Variants in POU6F2 observed in about 807,000 individuals in gnomAD.
The protein encoded by POU6F2 is POU domain, class 6, transcription factor 2.
In POU6F2, 31 loss-of-function variants were observed where a neutral mutation model predicts 71.3. That is an observed-to-expected ratio of 0.43 (90% CI 0.33 to 0.59). The LOEUF (loss-of-function observed/expected upper bound fraction) is 0.59, where lower values mean the gene tolerates loss of function less well. Among genes scored for constraint, POU6F2 ranks in the 20% least tolerant of loss-of-function variants. POU6F2 has a pLI of 0.04. For missense variants in POU6F2, 783 were observed against 856.8 expected, an observed-to-expected ratio of 0.91 and a Z score of 1.07; for synonymous variants, 347 against 355.7, an observed-to-expected ratio of 0.98 and a Z score of 0.27.
chr7:39,061,450 C>G (rs1790655421), intron 1 of POU6F2, among the ~76,000 whole-genome samples: 2 of 152,162 alleles, frequency 1.3e-5, no homozygotes. Context: ...ACTGTTTGAA[C>G]TCATTTACAA....
chr7:39,431,506 CA>C (rs1788099498), intron 6 of POU6F2, among the ~76,000 whole-genome samples: 1 of 152,192 alleles, frequency 6.6e-6, no homozygotes, highest in Non-Finnish European at 1.5e-5. Context: ...AAAGCAGTAT[CA>C]CTTACAAACC....
chr7:39,162,926 G>A (rs929642798), intron 2 of POU6F2, among the ~76,000 whole-genome samples: 5 of 152,118 alleles, frequency 3.3e-5, no homozygotes, highest in Non-Finnish European at 7.4e-5. Context: ...TTCTAGGGAC[G>A]ACTGGGGCAT....
intron 5 of POU6F2, among the ~76,000 whole-genome samples, chr7:39,389,621 G>T (rs574885670): frequency 4.0e-4 from 61 of 152,232 alleles, no homozygotes; most frequent in Non-Finnish European, 7.4e-4. Context: ...ATGTAAATTT[G>T]CTCCTTCATA....
chr7:39,118,190 C>T (rs1171464771), intron 2 of POU6F2, among the ~76,000 whole-genome samples: 1 of 152,138 alleles, frequency 6.6e-6, no homozygotes, highest in African/African-American at 2.4e-5. Flanking sequence ...AGCAAAATGA[C>T]TCCTTCTCAG....
chr7:39,161,279 T>C (rs1364465801), intron 2 of POU6F2, among the ~76,000 whole-genome samples: 5 of 152,228 alleles, frequency 3.3e-5, no homozygotes, highest in African/African-American at 4.8e-5. Flanking sequence ...TTCCACTTCA[T>C]GTAGTACTTT....
At chr7:39,216,297 T>G (rs1794241570) in intron 4 of POU6F2, among the ~76,000 whole-genome samples, 1 of 152,200 alleles carries the variant, frequency 6.6e-6, no homozygotes, top group Non-Finnish European at 1.5e-5. Flanking sequence ...GGTGAACCCA[T>G]TAGATCACAT....
At chr7:39,056,321 G>T (rs1466857478) in intron 1 of POU6F2, among the ~76,000 whole-genome samples, 1 of 151,720 alleles carries the variant, frequency 6.6e-6, no homozygotes, top group African/African-American at 2.4e-5. Flanking sequence ...TATCTCTGTG[G>T]TCTTACTATC....
At chr7:39,109,596 A>T (rs1034601391) in intron 2 of POU6F2, among the ~76,000 whole-genome samples, 2 of 152,312 alleles carry the variant, frequency 1.3e-5, no homozygotes, top group Middle Eastern at 3.4e-3. Flanking sequence ...GTATGAGCTT[A>T]TAATATTTTT....
chr7:39,342,084 A>C (rs1294839548), intron 5 of POU6F2, among the ~76,000 whole-genome samples: 1 of 152,214 alleles, frequency 6.6e-6, no homozygotes, highest in African/African-American at 2.4e-5. Context: ...TTTAGAGTAC[A>C]TTTAAATATA....
chr7:39,170,848 C>T (rs976077896), intron 2 of POU6F2, among the ~76,000 whole-genome samples: 2 of 151,692 alleles, frequency 1.3e-5, no homozygotes, highest in Non-Finnish European at 2.9e-5. Context: ...CACATGTGGC[C>T]GTTCTGCCTA....
chr7:39,049,145 ATCACCTTTTGGTTTCGTTATTTTCTATGT>A (rs1489412129), intron 1 of POU6F2, among the ~76,000 whole-genome samples: 29 of 151,834 alleles, frequency 1.9e-4, no homozygotes, highest in African/African-American at 6.8e-4. Context: ...TTTTTAAATA[ATCACCTTTTGGTTTCGTTATTTTCTATGT>A]TTTTTTCTAT....
chr7:39,179,213 A>G (rs1388214003), intron 2 of POU6F2, among the ~76,000 whole-genome samples: 1 of 152,220 alleles, frequency 6.6e-6, no homozygotes. Context: ...ACCAGAGAGG[A>G]TGCTCCTTCA....
chr7:39,387,196 C>T (rs1786963648), intron 5 of POU6F2, among the ~76,000 whole-genome samples: 1 of 152,208 alleles, frequency 6.6e-6, no homozygotes, highest in Admixed American at 6.5e-5. Flanking sequence ...CATGACAAGA[C>T]ACACACAATC....
At chr7:39,135,504 T>C (rs771908037) in intron 2 of POU6F2, among the ~76,000 whole-genome samples, 1 of 152,042 alleles carries the variant, frequency 6.6e-6, no homozygotes, top group African/African-American at 2.4e-5. Flanking sequence ...AGGGTTATGA[T>C]AGTTTAATAT....
intron 4 of POU6F2, among the ~76,000 whole-genome samples, chr7:39,249,739 A>T (rs530686367): frequency 6.6e-6 from 1 of 152,324 alleles, no homozygotes; most frequent in South Asian, 2.1e-4. Context: ...AGGTGAGCAG[A>T]CTATTATAAG....
intron 6 of POU6F2, among the ~76,000 whole-genome samples, chr7:39,409,343 A>C (rs554050957): frequency 4.6e-5 from 7 of 152,148 alleles, no homozygotes; most frequent in Non-Finnish European, 8.8e-5. Flanking sequence ...AGGTCTGTTG[A>C]GAAGGGTGGG....
intron 5 of POU6F2, among the ~76,000 whole-genome samples, chr7:39,392,386 G>A (rs1787090251): frequency 6.6e-6 from 1 of 152,204 alleles, no homozygotes; most frequent in South Asian, 2.1e-4. Flanking sequence ...AAGCTGATGT[G>A]ATTCATTCCA....
chr7:39,460,501 G>A lies in POU6F2; in HGVS notation c.1490-46G>A, dbSNP rs750314977. 3.1e-6 allele frequency: 5 copies of A among 1,593,264 alleles called. No individual in the cohort carries two copies. In the Admixed American group the frequency reaches 6.9e-5, roughly 22 times the overall value. ...AACCGTAATAAACAGATATTGCTCG[G>A]CTGTGTGTTGACGTATTGATCCTAT... On this transcript the variant is annotated intron_variant, in intron 8 of 9. Transcript: ENST00000518318. The surrounding 1 kb of genome is among the most constrained non-coding windows in gnomAD (Gnocchi z 4.4).
intron 4 of POU6F2, among the ~76,000 whole-genome samples, chr7:39,242,247 A>G (rs1173620220): frequency 1.3e-5 from 2 of 152,076 alleles, no homozygotes; most frequent in African/African-American, 2.4e-5. Flanking sequence ...TTCCTGGGTT[A>G]TATGGTAAGT....
Sources: gnomAD v4.1 joint callset for allele counts (sites outside exome capture counted in the v4.1 genomes callset) on GRCh38, gnomAD v4.1.1 for gene constraint, Gnocchi (gnomAD v3.1) non-coding constraint, MANE v1.5 for transcripts, NCBI Gene and HGNC (gene_info 2026-07-23, HGNC 2026-07-21) for gene names.